The following TEX10 variants were observed in gnomAD, a reference collection of about 807,000 sequenced individuals.
TEX10 encodes testis-expressed protein 10.
Under a neutral mutation model 104.4 loss-of-function variants are expected in TEX10, and 24 were observed. That is an observed-to-expected ratio of 0.23 (90% CI 0.17 to 0.32). TEX10 has a LOEUF of 0.32. Ranked by LOEUF, TEX10 falls within the 10% of genes least tolerant of loss-of-function variation. The pLI, the probability that TEX10 is intolerant of heterozygous loss-of-function variation, is 1.00. For synonymous variants in TEX10, 396 were observed against 393.4 expected (o/e 1.01, Z -0.08); for missense variants, 921 against 1,083.9 (o/e 0.85, Z 2.11).
intron 9 of TEX10, among the ~76,000 whole-genome samples, chr9:100,325,119 T>C (rs529678883): frequency 6.6e-6 from 1 of 152,204 alleles, no homozygotes; most frequent in African/African-American, 2.4e-5. Flanking sequence ...GTGACCAGAG[T>C]CAAATATCTG....
At chr9:100,302,342 C>T in intron 14 of TEX10, 38 bp from the exon 15 acceptor site, 1 of 1,434,492 alleles carries the variant, frequency 7.0e-7, no homozygotes, top group Non-Finnish European at 9.8e-7. Flanking sequence ...GAACTGCACC[C>T]AAATCACTAT....
intron 8 of TEX10, 45 bp downstream of exon 8, chr9:100,327,742 G>A: frequency 6.9e-7 from 1 of 1,459,282 alleles, no homozygotes; most frequent in Non-Finnish European, 9.2e-7. Flanking sequence ...TGTATATCAG[G>A]GTGGATCAAT....
Position 100,308,660 on chromosome 9 carries a change from C to G in TEX10, c.2305G>C (p.Asp769His). ...CCAAAAACACAGCCAGCCGTGCTGT[C>G]AGGAATTACAGTCAACCCAACCTAA... The part of the protein sequence containing the change: ...KHLVGLTVIP[D>H]STAGCVFGVI... Residue 769 changes from aspartate to histidine, a missense_variant, in exon 13 of 15, where the codon GAC (aspartate) becomes CAC (histidine). Physicochemically the swap from Asp to His is moderately conservative, Grantham distance 81. This residue lies in a region of TEX10 where 753 missense variants were observed against 868.4 expected (regional missense o/e 0.87). Transcript: ENST00000374902. 1 of 1,605,632 alleles carries G rather than the reference C, an allele frequency of 6.2e-7. No homozygotes were observed. The highest frequency in any genetic ancestry group is 8.5e-7 in the Non-Finnish European group (1 of 1,176,836).
intron 9 of TEX10, among the ~76,000 whole-genome samples, chr9:100,322,171 A>G (rs545096298): frequency 6.6e-6 from 1 of 152,338 alleles, no homozygotes; most frequent in South Asian, 2.1e-4. Flanking sequence ...AACAAGCTTC[A>G]GCTTCCTACA....
At chr9:100,349,939 A>G (rs1835401374) in intron 1 of TEX10, among the ~76,000 whole-genome samples, 1 of 152,236 alleles carries the variant, frequency 6.6e-6, no homozygotes, top group Admixed American at 6.5e-5. Context: ...AAAACAAGGT[A>G]AAGATCAGGT....
intron 5 of TEX10, among the ~76,000 whole-genome samples, chr9:100,335,947 C>T (rs1010012332): frequency 2.6e-5 from 4 of 151,866 alleles, no homozygotes; most frequent in African/African-American, 4.8e-5. Context: ...CACAGTGGCT[C>T]GCCTGAGGTC....
chr9:100,332,592 T>C (rs1254809184), intron 5 of TEX10, among the ~76,000 whole-genome samples: 1 of 151,856 alleles, frequency 6.6e-6, no homozygotes, highest in Non-Finnish European at 1.5e-5. Flanking sequence ...GAGGCCGAGG[T>C]GGGCGGATCA....
At chr9:100,317,668 A>G (rs1342607961) in intron 11 of TEX10, among the ~76,000 whole-genome samples, 1 of 152,172 alleles carries the variant, frequency 6.6e-6, no homozygotes, top group Non-Finnish European at 1.5e-5. Flanking sequence ...TCTACACAGA[A>G]AAATAACTAC....
rs750146641 is a variant in TEX10, at chr9:100,327,860, G to C, written c.1728C>G (p.Ile576Met). The change falls in exon 8 of 15, where the codon ATC becomes ATG. Residue 576 changes from isoleucine to methionine, a missense_variant. Transcript: ENST00000374902. Reference protein sequence around the residue: ...NPELSTQLIDIIHTAAARANK... With the variant: ...NPELSTQLIDMIHTAAARANK... The stretch of plus-strand genomic sequence containing the variant: ...TTGCTCGTGCTGCAGCGGTATGAAT[G>C]ATATCGATAAGCTGTGTAGAGAGCT... 3.7e-6 allele frequency: 6 copies of C among 1,608,546 alleles called. No homozygotes were observed. Among genetic ancestry groups the C allele is most frequent in the Non-Finnish European group, 5.1e-6 (6 of 1,176,218 alleles).
At chr9:100,335,032 G>A (rs1834973220) in intron 5 of TEX10, among the ~76,000 whole-genome samples, 1 of 152,066 alleles carries the variant, frequency 6.6e-6, no homozygotes, top group African/African-American at 2.4e-5. Context: ...CAGTTTGTCA[G>A]TCATTTTTTT....
chr9:100,346,436 A>C, intron 3 of TEX10, 121 bp from the exon 4 acceptor site: 1 of 1,178,156 alleles, frequency 8.5e-7, no homozygotes, highest in Non-Finnish European at 1.2e-6. Flanking sequence ...TAATTACATC[A>C]ATCAAAACTA....
Position 100,327,147 on chromosome 9 carries a change from G to T in TEX10, c.1801+640C>A, listed in dbSNP as rs1401547582. ...GGCAAATCCATATAGACAGAAAGTA[G>T]ATGAGTGATTTCCAGGGGCTGGGGG... On this transcript the variant is annotated intron_variant, in intron 8 of 14. Transcript: ENST00000374902. Among the ~76,000 whole-genome samples, 7 of 152,202 alleles carry T rather than the reference G, an allele frequency of 4.6e-5. No homozygotes were observed. The South Asian group carries it at 1.5e-3, about 32-fold the overall frequency.
chr9:100,347,538 T>C (rs889060399), intron 2 of TEX10, 132 bp from the exon 3 acceptor site: 8 of 598,388 alleles, frequency 1.3e-5, no homozygotes, highest in African/African-American at 7.5e-5. Context: ...ACTTTTTAAA[T>C]GTTATTTAGC....
intron 11 of TEX10, among the ~76,000 whole-genome samples, chr9:100,317,568 A>T (rs1478552702): frequency 2.6e-5 from 4 of 152,180 alleles, no homozygotes; most frequent in Non-Finnish European, 5.9e-5. Context: ...CTGGACATTG[A>T]TCTAGACAAA....
chr9:100,323,058 A>G (rs1467843091), intron 9 of TEX10, among the ~76,000 whole-genome samples: 1 of 152,224 alleles, frequency 6.6e-6, no homozygotes, highest in East Asian at 1.9e-4. Context: ...CTCAACACAA[A>G]GAAGTACAAA....
In TEX10 at chr9:100,346,341, T is replaced by G. The variant is rs375074942; in HGVS notation, c.894-26A>C. The G allele has an allele frequency of 1.7e-5, 26 of 1,574,592 alleles. No individual in the cohort carries two copies. The African/African-American group carries it at 3.2e-4, about 19-fold the overall frequency. On this transcript the variant is annotated intron_variant, in intron 3 of 14. Coordinates refer to ENST00000374902, the MANE Select transcript of TEX10 (RefSeq NM_017746.4). ...CTAATAAGGGTAAGAAAGAAAAAAA[T>G]TAAGTGATTAAAAAATGTTTATTAT...
chr9:100,308,076 C>A (rs1834184632), intron 13 of TEX10, among the ~76,000 whole-genome samples: 1 of 152,182 alleles, frequency 6.6e-6, no homozygotes, highest in Admixed American at 6.5e-5. Context: ...AAAGCACTAG[C>A]ATCTTAGAAG....
At chr9:100,313,061 G>A (rs76206759) in intron 11 of TEX10, among the ~76,000 whole-genome samples, 20,143 of 152,156 alleles carry the variant, frequency 0.13, 1,389 homozygotes, top group Non-Finnish European at 0.15. Context: ...AGATTAGGTT[G>A]TAACTTGAAC....
intron 11 of TEX10, among the ~76,000 whole-genome samples, chr9:100,319,355 C>T (rs1834506750): frequency 6.6e-6 from 1 of 152,030 alleles, no homozygotes; most frequent in Non-Finnish European, 1.5e-5. Context: ...TTAAATATCT[C>T]TAAGATTTAC....
Sources: gnomAD v4.1 joint callset for allele counts (sites outside exome capture counted in the v4.1 genomes callset) on GRCh38, gnomAD v4.1.1 for gene constraint, gnomAD v4.1.1 regional missense constraint, MANE v1.5 for transcripts, NCBI Gene and HGNC (gene_info 2026-07-23, HGNC 2026-07-21) for gene names.